TRPS1: variants seen among roughly 807,000 people sequenced by gnomAD.
The protein encoded by TRPS1 is zinc finger transcription factor Trps1.
A neutral mutation model predicts 101.2 loss-of-function variants in TRPS1; 6 were observed. The ratio of observed to expected loss-of-function variants is 0.06; its 90% CI spans 0.03 to 0.12. The LOEUF (loss-of-function observed/expected upper bound fraction) is 0.12, where lower values mean the gene tolerates loss of function less well. TRPS1 is among the 10% of genes least tolerant of loss of function. TRPS1 has a pLI of 1.00. For missense variants in TRPS1, 1,363 were observed against 1,567.0 expected, an observed-to-expected ratio of 0.87 and a Z score of 2.20; for synonymous variants, 578 against 589.8, an observed-to-expected ratio of 0.98 and a Z score of 0.29.
intron 5 of TRPS1, among the ~76,000 whole-genome samples, chr8:115,550,842 A>G (rs941344253): frequency 1.3e-5 from 2 of 152,222 alleles, no homozygotes; most frequent in African/African-American, 4.8e-5. Flanking sequence ...ATTAGCGAGA[A>G]TCAGTCCCTT....
intron 5 of TRPS1, among the ~76,000 whole-genome samples, chr8:115,515,603 G>T (rs1340578779): frequency 6.6e-6 from 1 of 151,092 alleles, no homozygotes; most frequent in Non-Finnish European, 1.5e-5. Context: ...TTTGGTAATT[G>T]TAAAAAGTTA....
At chr8:115,641,182 G>A (rs1282180749) in intron 1 of TRPS1, among the ~76,000 whole-genome samples, 1 of 152,132 alleles carries the variant, frequency 6.6e-6, no homozygotes, top group Non-Finnish European at 1.5e-5. Context: ...TCTTTGTTAT[G>A]AGACTAGAAT....
intron 1 of TRPS1, among the ~76,000 whole-genome samples, chr8:115,627,851 A>T (rs79947597): frequency 0.013 from 1,979 of 151,898 alleles, 13 homozygotes; most frequent in Non-Finnish European, 0.022. Flanking sequence ...CATTTGGTAA[A>T]CTGACACACA....
At chr8:115,613,716 T>C (rs375333586) in intron 3 of TRPS1, among the ~76,000 whole-genome samples, 1 of 152,170 alleles carries the variant, frequency 6.6e-6, no homozygotes, top group South Asian at 2.1e-4. Context: ...ATGAGTTCAT[T>C]AATACATGTA....
At chr8:115,666,926 T>G (rs1811935372) in intron 1 of TRPS1, among the ~76,000 whole-genome samples, 1 of 152,220 alleles carries the variant, frequency 6.6e-6, no homozygotes, top group South Asian at 2.1e-4. Context: ...AAAAGTTCAA[T>G]GAATAGGCCT....
intron 3 of TRPS1, among the ~76,000 whole-genome samples, chr8:115,616,945 CTG>C (rs923975720): frequency 2.0e-5 from 3 of 152,108 alleles, no homozygotes; most frequent in Admixed American, 6.5e-5. Context: ...TATAGAAAAA[CTG>C]TTCAATATTT....
chr8:115,460,992 T>C (rs1431177092), intron 5 of TRPS1, among the ~76,000 whole-genome samples: 5 of 152,132 alleles, frequency 3.3e-5, no homozygotes, highest in East Asian at 3.9e-4. Flanking sequence ...CACAATAGCA[T>C]AGTCACTAAC....
chr8:115,453,082 C>T (rs1185608494), intron 5 of TRPS1, among the ~76,000 whole-genome samples: 3 of 151,670 alleles, frequency 2.0e-5, no homozygotes, highest in East Asian at 1.9e-4. Flanking sequence ...AGTACAGTGG[C>T]GCGATCTCGG....
intron 5 of TRPS1, among the ~76,000 whole-genome samples, chr8:115,506,992 G>C (rs914848467): frequency 9.9e-5 from 15 of 152,126 alleles, no homozygotes; most frequent in African/African-American, 3.6e-4. Context: ...GAATGATTTG[G>C]GTTAAAAATA....
chr8:115,562,918 G>GTC (rs1338661704), intron 5 of TRPS1, among the ~76,000 whole-genome samples: 2 of 146,118 alleles, frequency 1.4e-5, no homozygotes, highest in African/African-American at 2.7e-5. Flanking sequence ...GTGTGTGTGT[G>GTC]TGTGTGTGGT....
At chr8:115,562,280 A>G (rs1294329840) in intron 5 of TRPS1, among the ~76,000 whole-genome samples, 2 of 152,120 alleles carry the variant, frequency 1.3e-5, no homozygotes, top group East Asian at 3.9e-4. Flanking sequence ...GAAGCTTTCA[A>G]TAGTCTCTTT....
At chr8:115,646,711 A>T (rs1219470338) in intron 1 of TRPS1, among the ~76,000 whole-genome samples, 1 of 152,136 alleles carries the variant, frequency 6.6e-6, no homozygotes, top group Non-Finnish European at 1.5e-5. Context: ...TAATAAGGTA[A>T]TTATTTAGCT....
intron 5 of TRPS1, among the ~76,000 whole-genome samples, chr8:115,507,910 T>C (rs186611557): frequency 3.3e-4 from 50 of 152,142 alleles, no homozygotes; most frequent in African/African-American, 1.1e-3. Flanking sequence ...CATTGCATGA[T>C]TGGTGTGCAG....
chr8:115,666,580 G>A (rs915355860), intron 1 of TRPS1, among the ~76,000 whole-genome samples: 7 of 152,162 alleles, frequency 4.6e-5, no homozygotes, highest in African/African-American at 1.7e-4. Context: ...CTGGCTGCCC[G>A]CATGACTTTC....
At chr8:115,488,629 C>A (rs1403942692) in intron 5 of TRPS1, among the ~76,000 whole-genome samples, 1 of 152,068 alleles carries the variant, frequency 6.6e-6, no homozygotes, top group African/African-American at 2.4e-5. Flanking sequence ...GAGCTGAGAT[C>A]GCACCACTGC....
At chr8:115,647,694 C>T (rs895498841) in intron 1 of TRPS1, among the ~76,000 whole-genome samples, 7 of 152,122 alleles carry the variant, frequency 4.6e-5, no homozygotes, top group Non-Finnish European at 7.4e-5. Flanking sequence ...AAGTACATGA[C>T]TAACTTAAAG....
rs578235366 is a variant in TRPS1 at position 115,614,160 on chromosome 8, T to TA, written c.966+4971dup. ...GCTGTAATTACAATGATCCAAGAAA[T>TA]AAAAAAACACTGAGTAACCTCCTGA... is the stretch of plus-strand genomic sequence containing the variant. On this transcript the variant is annotated intron_variant, in intron 3 of 6. Transcript: ENST00000395715. Among the ~76,000 whole-genome samples, 362 of 152,180 alleles carry TA rather than the reference T, an allele frequency of 2.4e-3. 2 individuals carry two copies. Among genetic ancestry groups the TA allele is most frequent in the African/African-American group, 7.9e-3 (329 of 41,510 alleles).
chr8:115,666,827 T>C (rs896816628), intron 1 of TRPS1, among the ~76,000 whole-genome samples: 4 of 151,196 alleles, frequency 2.6e-5, no homozygotes, highest in African/African-American at 9.8e-5. Context: ...TCAGGCCCTA[T>C]CTGTATTTTT....
chr8:115,632,880 T>C (rs1049270023), intron 1 of TRPS1, among the ~76,000 whole-genome samples: 11 of 152,274 alleles, frequency 7.2e-5, no homozygotes, highest in Non-Finnish European at 8.8e-5. Context: ...ACTGGCAATA[T>C]TGTATTTCCT....
Sources: gnomAD v4.1 joint callset for allele counts (sites outside exome capture counted in the v4.1 genomes callset) on GRCh38, gnomAD v4.1.1 for gene constraint, MANE v1.5 for transcripts, NCBI Gene and HGNC (gene_info 2026-07-23, HGNC 2026-07-21) for gene names.